VMP1: variants seen among roughly 807,000 people sequenced by gnomAD.
VMP1 encodes the protein ectopic P-granules autophagy protein 3 homolog.
A neutral mutation model predicts 56.0 loss-of-function variants in VMP1; 11 were observed. That is an observed-to-expected ratio of 0.20 (90% CI 0.12 to 0.32). The LOEUF is 0.32. Ranked by LOEUF, VMP1 falls within the 10% of genes least tolerant of loss-of-function variation. The pLI is 1.00. For missense variants in VMP1, 296 were observed against 490.3 expected (o/e 0.60, Z 3.74); for synonymous variants, 149 against 165.0 (o/e 0.90, Z 0.74).
chr17:59,764,041 T>C (rs1176129282), intron 5 of VMP1, among the ~76,000 whole-genome samples: 2 of 152,146 alleles, frequency 1.3e-5, no homozygotes, highest in Admixed American at 6.6e-5. Context: ...TAGGAACCAT[T>C]GTGTAAAACT....
At chr17:59,729,206 T>A (rs1430077087) in intron 1 of VMP1, among the ~76,000 whole-genome samples, 1 of 152,098 alleles carries the variant, frequency 6.6e-6, no homozygotes. Context: ...GGTTATAGGC[T>A]GGGCGCAGTG....
intron 1 of VMP1, among the ~76,000 whole-genome samples, chr17:59,716,870 T>C (rs544866551): frequency 1.2e-4 from 19 of 152,332 alleles, no homozygotes; most frequent in African/African-American, 4.6e-4. Context: ...GAATCAGGCA[T>C]GTGAAGTGAC....
intron 5 of VMP1, among the ~76,000 whole-genome samples, chr17:59,741,773 A>G (rs1281239470): frequency 1.3e-5 from 2 of 152,202 alleles, no homozygotes; most frequent in Non-Finnish European, 2.9e-5. Flanking sequence ...ATAATTTACT[A>G]GTTTAGCAAA....
rs1568094830 is a variant in VMP1 at position 59,759,911 on chromosome 17, T to TGG, written c.415-5060_415-5059insGG. 7.6e-3 allele frequency among the ~76,000 whole-genome samples: 1,103 copies of TGG among 144,332 alleles called. 15 individuals are homozygous for TGG. Among genetic ancestry groups the TGG allele is most frequent in the African/African-American group, 0.028 (1,042 of 36,902 alleles). The allele number at this position is 144,332 out of a possible 152,430, so 94.7% of individuals were successfully genotyped here. The stretch of plus-strand genomic sequence containing the variant: ...TTGTTTTGTTTTTTGGTGTTTTTTT[T>TGG]TTTTTTTTTTTTGGTATTGAATTTA... On this transcript the variant is annotated intron_variant, in intron 5 of 11. Transcript: ENST00000262291.
chr17:59,778,255 C>T (rs1468385661), intron 7 of VMP1, among the ~76,000 whole-genome samples: 1 of 151,990 alleles, frequency 6.6e-6, no homozygotes, highest in Non-Finnish European at 1.5e-5. Flanking sequence ...GAATAAGGCA[C>T]TTAAGGCCGG....
At chr17:59,737,419 T>A in intron 3 of VMP1, 34 bp from the exon 4 acceptor site, 1 of 1,585,558 alleles carries the variant, frequency 6.3e-7, no homozygotes, top group Non-Finnish European at 8.6e-7. Flanking sequence ...AAAGTGAGAC[T>A]GTGAGATATT....
Position 59,719,675 on chromosome 17 carries a change from T to G in VMP1, c.-26-11746T>G, listed in dbSNP as rs148083317. Among the ~76,000 whole-genome samples, 28 of 152,234 alleles carry G rather than the reference T, an allele frequency of 1.8e-4. 2 individuals are homozygous for G. The East Asian group carries it at 5.4e-3, about 29-fold the overall frequency. On this transcript the variant is annotated intron_variant, in intron 1 of 11. Coordinates refer to ENST00000262291, the MANE Select transcript of VMP1 (RefSeq NM_030938.5). ...CATAAATGTTTTTTGTTTTGCTTGGTGGGGGACTCTCAGTAATTTACTTGC... is the reference window on the plus strand; with the variant it reads ...CATAAATGTTTTTTGTTTTGCTTGGGGGGGGACTCTCAGTAATTTACTTGC...
intron 3 of VMP1, among the ~76,000 whole-genome samples, chr17:59,736,839 A>C (rs947363833): frequency 2.1e-5 from 3 of 145,584 alleles, no homozygotes; most frequent in African/African-American, 7.7e-5. Context: ...ACAGGAGTTC[A>C]AGACCAGCCC....
At position 59,738,842 on chromosome 17, in the gene VMP1, G is replaced by T. The variant is rs1270948140; in HGVS notation, c.309G>T (p.Val103=). The T allele has an allele frequency of 5.6e-6, 9 of 1,609,332 alleles. No individual in the cohort carries two copies. The highest frequency in any genetic ancestry group is 7.6e-6 in the Non-Finnish European group (9 of 1,177,828). Residue 103 remains valine (V), a synonymous_variant, in exon 5 of 12, where the codon GTG becomes GTT. Coordinates refer to ENST00000262291, the MANE Select transcript of VMP1 (RefSeq NM_030938.5). ...ACCTCATCCCTTTTTTTCAGTATGTGCAACGTATAGAGAAACAGTTTCTTT... is the reference window on the plus strand; with the variant it reads ...ACCTCATCCCTTTTTTTCAGTATGTTCAACGTATAGAGAAACAGTTTCTTT... The part of the protein sequence containing the change: ...YYVEGVHQQY[V]QRIEKQFLLY...
At chr17:59,774,197 A>G (rs576924523) in intron 7 of VMP1, among the ~76,000 whole-genome samples, 1 of 152,308 alleles carries the variant, frequency 6.6e-6, no homozygotes, top group East Asian at 1.9e-4. Flanking sequence ...GTTTAGAGGT[A>G]TTACCAAGCA....
chr17:59,744,374 A>G (rs977622298), intron 5 of VMP1, among the ~76,000 whole-genome samples: 9 of 150,816 alleles, frequency 6.0e-5, no homozygotes, highest in Non-Finnish European at 8.8e-5. Flanking sequence ...AGGCAGGAGA[A>G]TCAGTTGAAC....
chr17:59,800,418 G>A lies in VMP1; in HGVS notation c.715-8378G>A, dbSNP rs115376698. Among the ~76,000 whole-genome samples the A allele has an allele frequency of 6.2e-3, 947 of 152,256 alleles. 6 individuals are homozygous for A. The highest frequency in any genetic ancestry group is 0.022 in the African/African-American group (896 of 41,530). On this transcript the variant is annotated intron_variant, in intron 7 of 11. Coordinates refer to ENST00000262291, the MANE Select transcript of VMP1 (RefSeq NM_030938.5). ...CTTGGCGTGCATATTTGACTAGCAC[G>A]CAGAAACCAGCAAGTAATTTTTAGG...
At chr17:59,766,453 G>A (rs2036235309) in intron 6 of VMP1, among the ~76,000 whole-genome samples, 3 of 152,116 alleles carry the variant, frequency 2.0e-5, no homozygotes, top group South Asian at 4.1e-4. Context: ...GCAGTGAACC[G>A]AGACCCGCCA....
chr17:59,713,222 G>T (rs541448133), intron 1 of VMP1, among the ~76,000 whole-genome samples: 2 of 151,518 alleles, frequency 1.3e-5, no homozygotes, highest in Non-Finnish European at 2.9e-5. Flanking sequence ...GGACACAGGA[G>T]GGGGGACATC....
intron 10 of VMP1, among the ~76,000 whole-genome samples, chr17:59,836,747 G>A: frequency 6.9e-6 from 1 of 145,130 alleles, no homozygotes; most frequent in African/African-American, 2.5e-5. Flanking sequence ...TTTTTTCCCA[G>A]CAAAAGGAAT....
At chr17:59,756,952 G>A (rs2143940655) in intron 5 of VMP1, among the ~76,000 whole-genome samples, 1 of 152,032 alleles carries the variant, frequency 6.6e-6, no homozygotes, top group African/African-American at 2.4e-5. Context: ...GTGTGAAGAA[G>A]GTACAATTAT....
At chr17:59,738,137 G>GT (rs1002470934) in intron 4 of VMP1, among the ~76,000 whole-genome samples, 3 of 152,124 alleles carry the variant, frequency 2.0e-5, no homozygotes, top group Non-Finnish European at 4.4e-5. Context: ...CACTGCCAAA[G>GT]TTTTCTTATT....
chr17:59,761,581 C>G (rs1211378413), intron 5 of VMP1, among the ~76,000 whole-genome samples: 1 of 152,164 alleles, frequency 6.6e-6, no homozygotes, highest in Non-Finnish European at 1.5e-5. Context: ...AAGGTCGTAC[C>G]TACCCAGGCA....
At chr17:59,801,115 TG>T (rs1159301534) in intron 7 of VMP1, among the ~76,000 whole-genome samples, 1 of 57,162 alleles carries the variant, frequency 1.7e-5, no homozygotes, top group Non-Finnish European at 3.3e-5. Context: ...TATATATATG[TG>T]TGTGTGTGTG....
Sources: gnomAD v4.1 joint callset for allele counts (sites outside exome capture counted in the v4.1 genomes callset) on GRCh38, gnomAD v4.1.1 for gene constraint, MANE v1.5 for transcripts, NCBI Gene and HGNC (gene_info 2026-07-23, HGNC 2026-07-21) for gene names.